MDN1: variants seen among roughly 807,000 people sequenced by gnomAD.
MDN1 encodes midasin.
MDN1 carries 266 observed loss-of-function variants against 669.2 expected under a neutral mutation model. The observed-to-expected ratio is 0.40, with a 90% CI of 0.36 to 0.44. The LOEUF (loss-of-function observed/expected upper bound fraction) is 0.44, where lower values mean the gene tolerates loss of function less well. Ranked by LOEUF, MDN1 falls within the 20% of genes least tolerant of loss-of-function variation. The pLI, the probability that MDN1 is intolerant of heterozygous loss-of-function variation, is 1.00. For missense variants in MDN1, 5,940 were observed against 6,754.0 expected (o/e 0.88, Z 4.22); for synonymous variants, 2,385 against 2,457.1 (o/e 0.97, Z 0.87).
At chr6:89,745,707 C>G in intron 27 of MDN1, 81 bp from the exon 28 acceptor site, 1 of 1,407,428 alleles carries the variant, frequency 7.1e-7, no homozygotes, top group Non-Finnish European at 9.8e-7. Context: ...GAATATGAAA[C>G]AATAGAAACT....
intron 1 of MDN1, among the ~76,000 whole-genome samples, chr6:89,816,230 T>A (rs1340768569): frequency 6.6e-6 from 1 of 151,850 alleles, no homozygotes; most frequent in Non-Finnish European, 1.5e-5. Flanking sequence ...TGAAACCCCG[T>A]CTCTACTAAA....
At chr6:89,757,310 C>A (rs946544591) in intron 19 of MDN1, among the ~76,000 whole-genome samples, 3 of 152,220 alleles carry the variant, frequency 2.0e-5, no homozygotes, top group African/African-American at 2.4e-5. Context: ...CTTTTCAAAT[C>A]ATTAGCCTCA....
intron 60 of MDN1, 78 bp from the exon 61 acceptor site, chr6:89,696,070 C>G: frequency 2.0e-6 from 3 of 1,494,100 alleles, no homozygotes; most frequent in Non-Finnish European, 2.7e-6. Context: ...ATAATTCTCT[C>G]AAGAAATGAT....
chr6:89,674,027 C>A, intron 79 of MDN1, 77 bp downstream of exon 79: 1 of 1,545,692 alleles, frequency 6.5e-7, no homozygotes, highest in South Asian at 1.2e-5. Flanking sequence ...CACACCCTTC[C>A]CTTCCCACCC....
chr6:89,760,219 C>CT (rs1817473540), intron 17 of MDN1, among the ~76,000 whole-genome samples: 1 of 152,180 alleles, frequency 6.6e-6, no homozygotes. Flanking sequence ...CAGAAACAAA[C>CT]TTTTTTTAAA....
Position 89,762,363 on chromosome 6 carries a change from AC to A in MDN1, c.2311del (p.Val771TyrfsTer19). ...WHDLLRLMQH[V>X]HKSAVNKDGK... ...ATCCTTGTTAACAGCAGACTTGTGTACATGCTGCATTAGTCTCAGGAGATCA... is the reference window on the plus strand; with the variant it reads ...ATCCTTGTTAACAGCAGACTTGTGTAATGCTGCATTAGTCTCAGGAGATCA... On this transcript the variant is annotated frameshift_variant, in exon 16 of 102. Transcript: ENST00000369393. LOFTEE classifies it high-confidence loss of function. 1 of 1,614,186 alleles carries A rather than the reference AC, an allele frequency of 6.2e-7. No individual in the cohort carries two copies. The highest frequency in any genetic ancestry group is 8.5e-7 in the Non-Finnish European group (1 of 1,180,028).
chr6:89,777,556 G>A (rs1248218727), intron 11 of MDN1, among the ~76,000 whole-genome samples: 1 of 152,080 alleles, frequency 6.6e-6, no homozygotes, highest in Non-Finnish European at 1.5e-5. Flanking sequence ...TTATGGGAGG[G>A]GCCTGAATTC....
Position 89,730,307 on chromosome 6 carries a change from A to T in MDN1, c.5140+419T>A, listed in dbSNP as rs112513337. 7.2e-4 allele frequency among the ~76,000 whole-genome samples: 109 copies of T among 152,328 alleles called. 2 individuals are homozygous for T. Among genetic ancestry groups the T allele is most frequent in the African/African-American group, 2.5e-3 (103 of 41,560 alleles). ...CCAGGGACCGGATCAGGAATGACAC[A>T]TTACCAGCCTTCAAGGGTTCACAAA... is the stretch of plus-strand genomic sequence containing the variant. On this transcript the variant is annotated intron_variant, in intron 35 of 101. Coordinates refer to ENST00000369393, the MANE Select transcript of MDN1 (RefSeq NM_014611.3).
chr6:89,645,164 A>C lies in MDN1; in HGVS notation c.16460-7T>G, dbSNP rs371332869. ...AGGAGGAGTTGTGCAGTTTCTGTAG[A>C]CCATATAAGACGAAGCAAGGGAATA... On this transcript the variant is annotated splice_region_variant and splice_polypyrimidine_tract_variant and intron_variant, in intron 100 of 101. Coordinates refer to ENST00000369393, the MANE Select transcript of MDN1 (RefSeq NM_014611.3). 2.0e-5 allele frequency: 31 copies of C among 1,578,954 alleles called. No homozygotes were observed. Among genetic ancestry groups the C allele is most frequent in the Middle Eastern group, 3.4e-4 (2 of 5,968 alleles).
At chr6:89,735,458 C>T (rs1478089262) in intron 33 of MDN1, among the ~76,000 whole-genome samples, 1 of 148,668 alleles carries the variant, frequency 6.7e-6, no homozygotes, top group Non-Finnish European at 1.5e-5. Flanking sequence ...ATTGTAATCT[C>T]AAACTCCTAG....
chr6:89,668,844 A>G lies in MDN1; in HGVS notation c.13957-693T>C, dbSNP rs993114307. ...CTTAGCACTGTCTAACCTACTCTCA[A>G]GTTCCCTTGAACTACTCAGAAAAGA... On this transcript the variant is annotated intron_variant, in intron 83 of 101. Coordinates refer to ENST00000369393, the MANE Select transcript of MDN1 (RefSeq NM_014611.3). 2.6e-5 allele frequency among the ~76,000 whole-genome samples: 4 copies of G among 152,356 alleles called. No homozygotes were observed. The South Asian group carries it at 8.3e-4, about 32-fold the overall frequency.
rs531368427 is a variant in MDN1, at chr6:89,813,549, CAAAAAA to C, written c.102+5951_102+5956del. On this transcript the variant is annotated intron_variant, in intron 1 of 101. Transcript: ENST00000369393. The stretch of plus-strand genomic sequence containing the variant: ...CTGGGTGACAGAGCAGACTCTGTCT[CAAAAAA>C]AAAAAAAAAAACAAAAAAGAAAGAA... 1.0e-4 allele frequency among the ~76,000 whole-genome samples: 7 copies of C among 68,272 alleles called. 1 individual carries two copies. The South Asian group carries it at 3.1e-3, about 30-fold the overall frequency. The allele number at this position is 68,272 out of a possible 152,430, so 44.8% of individuals were successfully genotyped here. A position where few individuals can be genotyped will look rare whatever the true frequency, so the allele number is the denominator to read the frequency against.
At chr6:89,752,723 C>T (rs1028329692) in intron 22 of MDN1, among the ~76,000 whole-genome samples, 1 of 152,122 alleles carries the variant, frequency 6.6e-6, no homozygotes, top group African/African-American at 2.4e-5. Context: ...TATGGTGTAC[C>T]CATCCAGTGA....
intron 2 of MDN1, among the ~76,000 whole-genome samples, chr6:89,795,181 A>T (rs565995907): frequency 3.4e-4 from 52 of 152,334 alleles, no homozygotes; most frequent in Non-Finnish European, 6.2e-4. Flanking sequence ...TACAACGGAA[A>T]AGGCACTCAT....
intron 15 of MDN1, among the ~76,000 whole-genome samples, chr6:89,768,974 A>C (rs938048172): frequency 6.6e-6 from 1 of 152,062 alleles, no homozygotes; most frequent in Non-Finnish European, 1.5e-5. Flanking sequence ...GGATCACTTG[A>C]GCCCAGAAAG....
chr6:89,762,718 G>A (rs1469518981), intron 15 of MDN1, among the ~76,000 whole-genome samples, 188 bp from the exon 16 acceptor site: 2 of 152,054 alleles, frequency 1.3e-5, no homozygotes, highest in Non-Finnish European at 2.9e-5. Context: ...GCATTTGAAG[G>A]GCCCATAATG....
chr6:89,802,691 A>C (rs78470273), intron 2 of MDN1, among the ~76,000 whole-genome samples: 1 of 150,926 alleles, frequency 6.6e-6, no homozygotes, highest in South Asian at 2.1e-4. Flanking sequence ...CCATCTCACA[A>C]AAAAAAAAGA....
intron 26 of MDN1, among the ~76,000 whole-genome samples, chr6:89,748,609 C>T (rs1816786847): frequency 6.6e-6 from 1 of 151,992 alleles, no homozygotes; most frequent in Admixed American, 6.6e-5. Context: ...AACCAGTTTT[C>T]CCTAAGCCAA....
chr6:89,729,430 C>T (rs1268712474), intron 35 of MDN1, among the ~76,000 whole-genome samples: 1 of 152,226 alleles, frequency 6.6e-6, no homozygotes, highest in Non-Finnish European at 1.5e-5. Context: ...TCACAACCTA[C>T]ACCCTGAATC....
Sources: allele counts gnomAD v4.1 joint callset (sites outside exome capture counted in the v4.1 genomes callset), GRCh38; gene constraint gnomAD v4.1.1; transcripts MANE v1.5; gene names NCBI Gene and HGNC (gene_info 2026-07-23, HGNC 2026-07-21).